SV2C: variants seen among roughly 807,000 people sequenced by gnomAD.
The protein encoded by SV2C is solute carrier family 22 member B3.
SV2C carries 49 observed loss-of-function variants against 79.7 expected under a neutral mutation model. The observed-to-expected ratio is 0.61, with a 90% CI of 0.49 to 0.78. The LOEUF (loss-of-function observed/expected upper bound fraction) is 0.78. Ranked by LOEUF, SV2C falls within the 30% of genes least tolerant of loss-of-function variation. SV2C has a pLI of 0.00. For missense variants in SV2C, 833 were observed against 912.9 expected, an observed-to-expected ratio of 0.91 and a Z score of 1.13; for synonymous variants, 334 against 333.2, an observed-to-expected ratio of 1.00 and a Z score of -0.03.
chr5:75,910,840 G>A, the SV2C span: 6 of 1,272,464 alleles, frequency 4.7e-6, no homozygotes, highest in Admixed American at 5.1e-5. Flanking sequence ...TCTTCTACAG[G>A]GAAATGAGCA....
chr5:76,176,539 C>A (rs564747269), intron 2 of SV2C, among the ~76,000 whole-genome samples: 2 of 152,226 alleles, frequency 1.3e-5, no homozygotes, highest in East Asian at 3.9e-4. Flanking sequence ...CCATAAACAC[C>A]CTCTGCTTCA....
At chr5:75,892,255 A>T in the SV2C span, among the ~76,000 whole-genome samples, 147 of 151,258 alleles carry the variant, frequency 9.7e-4, no homozygotes, top group East Asian at 2.9e-3. Context: ...TTTTTAATAA[A>T]TTTTTTTTTA....
chr5:76,184,740 C>T (rs1743857815), intron 2 of SV2C, among the ~76,000 whole-genome samples: 1 of 152,146 alleles, frequency 6.6e-6, no homozygotes, highest in Non-Finnish European at 1.5e-5. Flanking sequence ...CCTGGTCCCA[C>T]CCTTGACACG....
At chr5:76,340,853 T>C (rs1265404672) in intron 12 of SV2C, among the ~76,000 whole-genome samples, 1 of 151,756 alleles carries the variant, frequency 6.6e-6, no homozygotes, top group African/African-American at 2.4e-5. Context: ...CCAGCTATCC[T>C]CCTGCCTCAG....
At chr5:76,054,866 T>TTG in the SV2C span, among the ~76,000 whole-genome samples, 1 of 152,160 alleles carries the variant, frequency 6.6e-6, no homozygotes, top group African/African-American at 2.4e-5. Flanking sequence ...TCTTGTAAAT[T>TTG]TGTTTGAGTT....
At chr5:76,115,843 C>A (rs1748247153) in intron 1 of SV2C, among the ~76,000 whole-genome samples, 1 of 152,208 alleles carries the variant, frequency 6.6e-6, no homozygotes, top group Non-Finnish European at 1.5e-5. Context: ...GGTGATATGT[C>A]CCAGCCACTT....
At chr5:75,994,420 G>A in the SV2C span, among the ~76,000 whole-genome samples, 3 of 151,870 alleles carry the variant, frequency 2.0e-5, no homozygotes, top group Non-Finnish European at 2.9e-5. Flanking sequence ...CTAAGTTCCT[G>A]TATTTCCTGC....
At chr5:76,175,532 C>G (rs1194269050) in intron 2 of SV2C, among the ~76,000 whole-genome samples, 2 of 152,160 alleles carry the variant, frequency 1.3e-5, no homozygotes, top group African/African-American at 4.8e-5. Context: ...AGATCTAACA[C>G]AGAAGAGTAA....
intron 12 of SV2C, among the ~76,000 whole-genome samples, chr5:76,344,966 G>A (rs113104197): frequency 0.018 from 2,709 of 152,266 alleles, 85 homozygotes; most frequent in African/African-American, 0.06. Flanking sequence ...TCAACCCTAA[G>A]TTGTTCAATC....
At chr5:76,097,098 A>G (rs1342789350) in intron 1 of SV2C, among the ~76,000 whole-genome samples, 1 of 152,088 alleles carries the variant, frequency 6.6e-6, no homozygotes, top group East Asian at 1.9e-4. Context: ...CCCACATTCC[A>G]TTGACCAAAG....
At chr5:76,288,681 T>C (rs1747437211) in intron 6 of SV2C, among the ~76,000 whole-genome samples, 2 of 152,322 alleles carry the variant, frequency 1.3e-5, no homozygotes, top group East Asian at 3.9e-4. Flanking sequence ...CTAATGGCGA[T>C]GTGTTAATGT....
At chr5:76,169,811 T>G (rs1019417636) in intron 2 of SV2C, among the ~76,000 whole-genome samples, 10 of 152,176 alleles carry the variant, frequency 6.6e-5, no homozygotes, top group Admixed American at 6.5e-4. Context: ...CCAGATCATT[T>G]GGCCAGCTGT....
the SV2C span, among the ~76,000 whole-genome samples, chr5:76,067,350 TG>T: frequency 2.0e-5 from 3 of 152,112 alleles, no homozygotes; most frequent in Non-Finnish European, 4.4e-5. Context: ...TTTTTCTGAC[TG>T]TGATTTTTTG....
chr5:75,875,353 G>C, the SV2C span, among the ~76,000 whole-genome samples: 4 of 152,132 alleles, frequency 2.6e-5, no homozygotes, highest in Admixed American at 2.6e-4. Context: ...CTCAATAAAT[G>C]GTGCTGGGAT....
At chr5:75,931,642 C>T in the SV2C span, among the ~76,000 whole-genome samples, 2 of 152,168 alleles carry the variant, frequency 1.3e-5, no homozygotes, top group African/African-American at 4.8e-5. Flanking sequence ...TTAAACCTAA[C>T]TGGTTGAAAG....
At chr5:76,075,960 T>C in the SV2C span, 79 of 183,870 alleles carry the variant, frequency 4.3e-4, no homozygotes, top group African/African-American at 1.7e-3. Flanking sequence ...TATTTTCCAA[T>C]TAGTTATGTA....
At chr5:76,078,055 G>C in the SV2C span, among the ~76,000 whole-genome samples, 4 of 152,200 alleles carry the variant, frequency 2.6e-5, no homozygotes, top group Non-Finnish European at 5.9e-5. Context: ...CTGGAGGTCT[G>C]AGCATGCTAG....
intron 1 of SV2C, among the ~76,000 whole-genome samples, chr5:76,126,589 G>C (rs1166021451): frequency 6.6e-6 from 1 of 152,178 alleles, no homozygotes; most frequent in Non-Finnish European, 1.5e-5. Context: ...TCAGCTGGCA[G>C]GTAGTTCACC....
chr5:75,910,407 G>T, the SV2C span: 2 of 590,618 alleles, frequency 3.4e-6, no homozygotes, highest in South Asian at 1.4e-5. Context: ...TAGATTTCCT[G>T]CAGGGTTTCT....
Sources: gnomAD v4.1 joint callset for allele counts (sites outside exome capture counted in the v4.1 genomes callset) on GRCh38, gnomAD v4.1.1 for gene constraint, MANE v1.5 for transcripts, NCBI Gene and HGNC (gene_info 2026-07-23, HGNC 2026-07-21) for gene names.